Variants in ADGRL2 observed in about 807,000 individuals in gnomAD.
ADGRL2 encodes calcium-independent alpha-latrotoxin receptor 2.
In ADGRL2, 44 loss-of-function variants were observed where a neutral mutation model predicts 157.4. That is an observed-to-expected ratio of 0.28 (90% CI 0.22 to 0.36). The LOEUF is 0.36. Ranked by LOEUF, ADGRL2 falls within the 10% of genes least tolerant of loss-of-function variation. The pLI, the probability that ADGRL2 is intolerant of heterozygous loss-of-function variation, is 1.00. For synonymous variants in ADGRL2, 585 were observed against 624.7 expected (o/e 0.94, Z 0.95); for missense variants, 1,510 against 1,768.9 (o/e 0.85, Z 2.63).
At chr1:81,377,909 G>A (rs1202664836) in intron 1 of ADGRL2, among the ~76,000 whole-genome samples, 4 of 152,092 alleles carry the variant, frequency 2.6e-5, no homozygotes, top group African/African-American at 4.8e-5. Context: ...TACCGGGCAC[G>A]GTGGCTCACA....
chr1:81,959,618 G>T (rs189941382), intron 11 of ADGRL2, among the ~76,000 whole-genome samples: 1 of 152,090 alleles, frequency 6.6e-6, no homozygotes, highest in African/African-American at 2.4e-5. Flanking sequence ...ATTACTGTAA[G>T]AAACTTTATA....
Position 81,858,661 on chromosome 1 carries a change from G to A in ADGRL2, c.73+21604G>A, listed in dbSNP as rs1464968352. Among the ~76,000 whole-genome samples, 3 of 152,194 alleles carry A rather than the reference G, an allele frequency of 2.0e-5. No individual in the cohort carries two copies. The East Asian group carries it at 5.8e-4, about 29-fold the overall frequency. On this transcript the variant is annotated intron_variant, in intron 2 of 23. Coordinates refer to ENST00000686636, the MANE Select transcript of ADGRL2 (RefSeq NM_001366006.2). ...CTTGGTGTTATTTCTTAAAGTATCA[G>A]AATTGGGGTTGAGTACTTCCGTCAG... is the stretch of plus-strand genomic sequence containing the variant.
chr1:81,896,541 A>G (rs1018496972), intron 2 of ADGRL2, among the ~76,000 whole-genome samples: 3 of 152,108 alleles, frequency 2.0e-5, no homozygotes, highest in Non-Finnish European at 4.4e-5. Context: ...GATGATGTTC[A>G]TGTCTTAAAT....
chr1:81,550,810 T>A (rs1289645422), intron 2 of ADGRL2, among the ~76,000 whole-genome samples: 1 of 151,520 alleles, frequency 6.6e-6, no homozygotes, highest in African/African-American at 2.4e-5. Context: ...ATGCTTTCCG[T>A]TCTACCCTCT....
intron 1 of ADGRL2, among the ~76,000 whole-genome samples, chr1:81,440,648 GAC>G (rs1328599290): frequency 6.6e-6 from 1 of 152,114 alleles, no homozygotes; most frequent in Non-Finnish European, 1.5e-5. Context: ...GAGACTTCTT[GAC>G]ACATCAAACA....
chr1:81,797,128 A>G (rs2087627858), upstream of ADGRL2, among the ~76,000 whole-genome samples: 5 of 152,202 alleles, frequency 3.3e-5, no homozygotes, highest in Admixed American at 3.3e-4. Context: ...AGAGTAGGAA[A>G]AACTAGTTTC....
intron 2 of ADGRL2, among the ~76,000 whole-genome samples, chr1:81,768,193 G>A (rs1224901311): frequency 6.6e-6 from 1 of 151,442 alleles, no homozygotes; most frequent in Non-Finnish European, 1.5e-5. Flanking sequence ...CTACAGACTC[G>A]TACCACCACA....
intron 2 of ADGRL2, among the ~76,000 whole-genome samples, chr1:81,532,923 C>CA (rs781046214): frequency 9.1e-4 from 135 of 148,610 alleles, no homozygotes; most frequent in Non-Finnish European, 1.5e-3. Context: ...GACCCTGTCT[C>CA]AAAAAAAACA....
intron 2 of ADGRL2, among the ~76,000 whole-genome samples, chr1:81,447,316 G>A (rs2077616691): frequency 1.3e-5 from 2 of 152,128 alleles, no homozygotes; most frequent in East Asian, 3.8e-4. Context: ...CAGTTACTGT[G>A]GAAGGGATAA....
At chr1:81,669,668 T>C (rs571183509) in intron 3 of ADGRL2, among the ~76,000 whole-genome samples, 139 of 152,050 alleles carry the variant, frequency 9.1e-4, no homozygotes, top group South Asian at 2.7e-3. Flanking sequence ...CCTGGCTGGG[T>C]GTGGTGGTGC....
chr1:81,810,285 C>A (rs2089692576), intron 1 of ADGRL2, among the ~76,000 whole-genome samples: 1 of 151,224 alleles, frequency 6.6e-6, no homozygotes, highest in Non-Finnish European at 1.5e-5. Flanking sequence ...CTGTTTTATG[C>A]AGACTACGTT....
chr1:81,528,703 T>G (rs1334984365), intron 2 of ADGRL2, among the ~76,000 whole-genome samples: 36 of 151,188 alleles, frequency 2.4e-4, no homozygotes, highest in Non-Finnish European at 5.9e-5. Context: ...TTATTCATAT[T>G]GGTAGTCTGA....
At chr1:81,556,245 C>G (rs2080274098) in intron 2 of ADGRL2, among the ~76,000 whole-genome samples, 1 of 151,398 alleles carries the variant, frequency 6.6e-6, no homozygotes, top group African/African-American at 2.4e-5. Flanking sequence ...CTACACACCA[C>G]TGAGGGGTAA....
At chr1:81,429,908 T>G (rs577563090) in intron 1 of ADGRL2, among the ~76,000 whole-genome samples, 92 of 152,250 alleles carry the variant, frequency 6.0e-4, no homozygotes, top group African/African-American at 2.1e-3. Context: ...TGTTGTTGTT[T>G]TTGAGATGGT....
At chr1:81,718,049 C>G (rs2149107928) in intron 1 of ADGRL2, among the ~76,000 whole-genome samples, 1 of 152,298 alleles carries the variant, frequency 6.6e-6, no homozygotes, top group South Asian at 2.1e-4. Context: ...GTATGTGTGT[C>G]TCACTCTGTG....
rs918507641 is a variant in ADGRL2 at position 81,659,998 on chromosome 1, A to G, written c.-143+79018A>G. On this transcript the variant is annotated intron_variant, in intron 3 of 24. Coordinates refer to the ADGRL2 transcript ENST00000370721. ...AGAATCTATCGCCCCCCAAATGCCA[A>G]ATTTGATCACTATTTCATATTGATT... 7.2e-5 allele frequency among the ~76,000 whole-genome samples: 11 copies of G among 152,162 alleles called. 1 individual carries two copies. Among genetic ancestry groups the G allele is most frequent in the Admixed American group, 3.3e-4 (5 of 15,274 alleles).
At chr1:81,328,533 T>A (rs1464190893) in intron 1 of ADGRL2, among the ~76,000 whole-genome samples, 1 of 152,158 alleles carries the variant, frequency 6.6e-6, no homozygotes, top group Non-Finnish European at 1.5e-5. Context: ...CCTACCCCAG[T>A]AATAGTATCT....
intron 1 of ADGRL2, among the ~76,000 whole-genome samples, chr1:81,365,804 T>C (rs2076055410): frequency 6.6e-6 from 1 of 152,186 alleles, no homozygotes; most frequent in Non-Finnish European, 1.5e-5. Flanking sequence ...CATCCTTGAG[T>C]GACATCTCTT....
chr1:81,787,776 T>C (rs2087127152), intron 2 of ADGRL2, among the ~76,000 whole-genome samples: 1 of 151,974 alleles, frequency 6.6e-6, no homozygotes, highest in Non-Finnish European at 1.5e-5. Context: ...AGTCAATCAG[T>C]ACAAATAAAG....
Sources: allele counts gnomAD v4.1 joint callset (sites outside exome capture counted in the v4.1 genomes callset), GRCh38; gene constraint gnomAD v4.1.1; transcripts MANE v1.5; gene names NCBI Gene and HGNC (gene_info 2026-07-23, HGNC 2026-07-21).